The following WFDC11 variants were observed in gnomAD, a reference collection of about 807,000 sequenced individuals.
WFDC11 encodes protein WFDC11.
A neutral mutation model predicts 9.9 loss-of-function variants in WFDC11; 9 were observed. The observed-to-expected ratio is 0.91, with a 90% CI of 0.55 to 1.58. WFDC11 has a LOEUF of 1.58. Among genes scored for constraint, WFDC11 ranks in the 40% most tolerant of loss-of-function variants. The pLI, the probability that WFDC11 is intolerant of heterozygous loss-of-function variation, is 0.00. For synonymous variants in WFDC11, 32 were observed against 33.3 expected (o/e 0.96, Z 0.13); for missense variants, 106 against 101.7 (o/e 1.04, Z -0.18).
At chr20:45,655,001 G>T (rs75066919) in intron 2 of WFDC11, among the ~76,000 whole-genome samples, 4,206 of 152,276 alleles carry the variant, frequency 0.028, 214 homozygotes, top group East Asian at 0.22. Flanking sequence ...TCTACCAGAG[G>T]TACAAGGAGA....
intron 2 of WFDC11, among the ~76,000 whole-genome samples, 165 bp from the exon 3 acceptor site, chr20:45,650,816 C>G (rs1442476381): frequency 6.6e-6 from 1 of 152,170 alleles, no homozygotes; most frequent in Admixed American, 6.5e-5. Flanking sequence ...GGAATCCCTC[C>G]ATCTCACACC....
chr20:45,661,642 C>T (rs1983068244), intron 2 of WFDC11, among the ~76,000 whole-genome samples: 1 of 152,078 alleles, frequency 6.6e-6, no homozygotes, highest in South Asian at 2.1e-4. Flanking sequence ...ATATGGCTAG[C>T]CAGTTTTCCC....
At chr20:45,650,913 T>A (rs180706919) in intron 2 of WFDC11, among the ~76,000 whole-genome samples, 10 of 152,328 alleles carry the variant, frequency 6.6e-5, no homozygotes, top group Admixed American at 5.9e-4. Context: ...ACAAAAAAAT[T>A]TTTTTAAATC....
At chr20:45,666,135 A>C (rs924653805) in intron 2 of WFDC11, among the ~76,000 whole-genome samples, 1 of 151,256 alleles carries the variant, frequency 6.6e-6, no homozygotes, top group East Asian at 1.9e-4. Flanking sequence ...AATGATGGAC[A>C]CCCCTCCCCC....
At chr20:45,655,631 G>C (rs556425668) in intron 2 of WFDC11, among the ~76,000 whole-genome samples, 2 of 152,308 alleles carry the variant, frequency 1.3e-5, no homozygotes, top group African/African-American at 2.4e-5. Flanking sequence ...TAGGAAAAGA[G>C]GAAGTCAAAT....
chr20:45,648,595 G>T lies in WFDC11; in HGVS notation c.*124C>A. Reference sequence around the variant, plus strand: ...AAATAAGTTTATTTGTCAAGTGTTTGCTGTTGTCCAGCTCTCAGTAAAAAT... The same window carrying T: ...AAATAAGTTTATTTGTCAAGTGTTTTCTGTTGTCCAGCTCTCAGTAAAAAT... On this transcript the variant is annotated 3_prime_UTR_variant, in exon 5 of 5. Coordinates refer to ENST00000324384, the MANE Select transcript of WFDC11 (RefSeq NM_147197.2). The T allele has an allele frequency of 2.0e-6, 2 of 1,023,218 alleles. No individual in the cohort carries two copies. Among genetic ancestry groups the T allele is most frequent in the Non-Finnish European group, 2.9e-6 (2 of 684,154 alleles). The allele number at this position is 1,023,218 out of a possible 1,614,324, so 63.4% of individuals were successfully genotyped here.
chr20:45,656,445 T>C, intron 2 of WFDC11, among the ~76,000 whole-genome samples: 1 of 152,200 alleles, frequency 6.6e-6, no homozygotes, highest in Non-Finnish European at 1.5e-5. Flanking sequence ...TCAAGATGGA[T>C]TAAAGACTTA....
At chr20:45,654,810 G>T (rs1390516950) in intron 2 of WFDC11, among the ~76,000 whole-genome samples, 1 of 152,138 alleles carries the variant, frequency 6.6e-6, no homozygotes, top group Non-Finnish European at 1.5e-5. Flanking sequence ...ACACCTCTAT[G>T]CAAGTAAACT....
chr20:45,655,871 T>G (rs968743004), intron 2 of WFDC11, among the ~76,000 whole-genome samples: 4 of 152,118 alleles, frequency 2.6e-5, no homozygotes, highest in Non-Finnish European at 4.4e-5. Context: ...GAATCCAACT[T>G]ACAATGGACA....
At chr20:45,669,479 C>CA (rs1213715913) in intron 1 of WFDC11, among the ~76,000 whole-genome samples, 2 of 152,076 alleles carry the variant, frequency 1.3e-5, no homozygotes, top group Non-Finnish European at 2.9e-5. Context: ...TATCTTAATC[C>CA]AAAAATAGTT....
chr20:45,657,560 G>A (rs990342030), intron 2 of WFDC11, among the ~76,000 whole-genome samples: 1 of 152,068 alleles, frequency 6.6e-6, no homozygotes, highest in Non-Finnish European at 1.5e-5. Context: ...TTGTGCACAT[G>A]TACCCTAAAA....
At chr20:45,655,882 T>C (rs562600297) in intron 2 of WFDC11, among the ~76,000 whole-genome samples, 1 of 152,110 alleles carries the variant, frequency 6.6e-6, no homozygotes, top group African/African-American at 2.4e-5. Context: ...ACAATGGACA[T>C]GAAGGACCTC....
intron 3 of WFDC11, among the ~76,000 whole-genome samples, chr20:45,650,267 C>G (rs13045564): frequency 1.3e-5 from 2 of 150,428 alleles, no homozygotes; most frequent in Non-Finnish European, 1.5e-5. Flanking sequence ...GAGAGAGAGA[C>G]AGAGAGAGAG....
chr20:45,654,148 G>A (rs1247396669), intron 2 of WFDC11, among the ~76,000 whole-genome samples: 1 of 152,086 alleles, frequency 6.6e-6, no homozygotes, highest in South Asian at 2.1e-4. Flanking sequence ...GCACCACACT[G>A]CACTTATTCC....
chr20:45,651,793 C>T (rs1411487624), intron 2 of WFDC11, among the ~76,000 whole-genome samples: 1 of 152,228 alleles, frequency 6.6e-6, no homozygotes. Context: ...GATTATATCC[C>T]ATGCATGGCT....
chr20:45,666,533 G>A (rs1050169430), intron 2 of WFDC11, among the ~76,000 whole-genome samples: 3 of 152,224 alleles, frequency 2.0e-5, no homozygotes, highest in South Asian at 2.1e-4. Flanking sequence ...GCAGACCAGA[G>A]CTGTTCCTAT....
intron 2 of WFDC11, among the ~76,000 whole-genome samples, chr20:45,652,289 G>C (rs1982825370): frequency 1.3e-5 from 2 of 152,114 alleles, no homozygotes; most frequent in Admixed American, 1.3e-4. Flanking sequence ...CTCCGCTGTT[G>C]TGCAGCCTCC....
At chr20:45,661,437 C>T (rs1054742109) in intron 2 of WFDC11, among the ~76,000 whole-genome samples, 44 of 152,006 alleles carry the variant, frequency 2.9e-4, no homozygotes, top group Non-Finnish European at 4.6e-4. Flanking sequence ...TCCCATTTGT[C>T]AATTTTGGCT....
Position 45,651,977 on chromosome 20 carries a change from C to T in WFDC11, c.-51-1326G>A, listed in dbSNP as rs561999405. Among the ~76,000 whole-genome samples the T allele has an allele frequency of 1.2e-3, 184 of 152,326 alleles. 2 individuals are homozygous for T. The South Asian group carries it at 0.036, about 30-fold the overall frequency. On this transcript the variant is annotated intron_variant, in intron 2 of 4. Coordinates refer to ENST00000324384, the MANE Select transcript of WFDC11 (RefSeq NM_147197.2). Reference sequence around the variant, plus strand: ...GTGGAGGCTACCACAGCTCAAGAGGCCTGCCTGCCTCTGTAGACTCCACCT... The same window carrying T: ...GTGGAGGCTACCACAGCTCAAGAGGTCTGCCTGCCTCTGTAGACTCCACCT...
Sources: allele counts gnomAD v4.1 joint callset (sites outside exome capture counted in the v4.1 genomes callset), GRCh38; gene constraint gnomAD v4.1.1; transcripts MANE v1.5; gene names NCBI Gene and HGNC (gene_info 2026-07-23, HGNC 2026-07-21).